Variants in RABGAP1L observed in about 807,000 individuals in gnomAD.
The protein encoded by RABGAP1L is rab GTPase-activating protein 1-like.
A neutral mutation model predicts 137.7 loss-of-function variants in RABGAP1L; 63 were observed. The ratio of observed to expected loss-of-function variants is 0.46; its 90% confidence interval spans 0.37 to 0.56. The LOEUF is 0.56. Ranked by LOEUF, RABGAP1L falls within the 20% of genes least tolerant of loss-of-function variation. The pLI, the probability that RABGAP1L is intolerant of heterozygous loss-of-function variation, is 0.00. For synonymous variants in RABGAP1L, 431 were observed against 433.7 expected (o/e 0.99, Z 0.08); for missense variants, 1,095 against 1,244.0 (o/e 0.88, Z 1.80).
intron 13 of RABGAP1L, among the ~76,000 whole-genome samples, chr1:174,472,007 G>C (rs1211558685): frequency 6.6e-6 from 1 of 152,338 alleles, no homozygotes; most frequent in Non-Finnish European, 1.5e-5. Flanking sequence ...AGTGTGTAAT[G>C]CATGCTGTGT....
At chr1:174,664,873 G>A (rs1676667584) in intron 14 of RABGAP1L, among the ~76,000 whole-genome samples, 1 of 151,654 alleles carries the variant, frequency 6.6e-6, no homozygotes, top group African/African-American at 2.4e-5. Context: ...AAGTAGCTGG[G>A]ATTACAGGCA....
chr1:174,508,962 A>G (rs12564992), intron 13 of RABGAP1L, among the ~76,000 whole-genome samples: 13,656 of 152,202 alleles, frequency 0.09, 833 homozygotes, highest in East Asian at 0.22. Flanking sequence ...ATGGTGGTGT[A>G]GTATTATACC....
chr1:174,853,402 G>A (rs979931244), intron 19 of RABGAP1L, among the ~76,000 whole-genome samples: 1 of 152,170 alleles, frequency 6.6e-6, no homozygotes, highest in African/African-American at 2.4e-5. Context: ...AGTGAGCTGT[G>A]TGAGCTGAGT....
chr1:174,777,056 T>A (rs1427784009), intron 18 of RABGAP1L, among the ~76,000 whole-genome samples: 2 of 152,222 alleles, frequency 1.3e-5, no homozygotes, highest in African/African-American at 2.4e-5. Context: ...TTTTCCAGAC[T>A]GCAATATTGG....
intron 17 of RABGAP1L, among the ~76,000 whole-genome samples, chr1:174,713,434 G>A (rs1282946063): frequency 6.6e-6 from 1 of 152,174 alleles, no homozygotes; most frequent in Non-Finnish European, 1.5e-5. Flanking sequence ...CCTTGTGGGA[G>A]GTATTGGATG....
chr1:174,604,559 A>G (rs531172414), intron 13 of RABGAP1L, among the ~76,000 whole-genome samples: 23 of 152,166 alleles, frequency 1.5e-4, no homozygotes, highest in Non-Finnish European at 2.4e-4. Context: ...TTATGTGGAT[A>G]GTTGTTCGAT....
chr1:174,670,584 A>T (rs1677101843), intron 14 of RABGAP1L, among the ~76,000 whole-genome samples: 1 of 152,014 alleles, frequency 6.6e-6, no homozygotes, highest in Non-Finnish European at 1.5e-5. Context: ...CCATCCTTCT[A>T]TTCTGTATGT....
chr1:174,740,111 C>T (rs1202721143), intron 17 of RABGAP1L, among the ~76,000 whole-genome samples: 1 of 152,078 alleles, frequency 6.6e-6, no homozygotes, highest in Non-Finnish European at 1.5e-5. Flanking sequence ...TGGAGTTGCT[C>T]CTGCTGGTGA....
At chr1:174,292,329 CTTTTTTTTTTTTTT>C (rs61636433) in intron 10 of RABGAP1L, among the ~76,000 whole-genome samples, 7 of 50,600 alleles carry the variant, frequency 1.4e-4, no homozygotes, top group South Asian at 1.0e-3. Context: ...CCTACCTAAT[CTTTTTTTTTTTTTT>C]TTTTTTTTTT....
intron 18 of RABGAP1L, among the ~76,000 whole-genome samples, chr1:174,806,624 A>G (rs1333869817): frequency 1.3e-5 from 2 of 152,220 alleles, no homozygotes; most frequent in Non-Finnish European, 2.9e-5. Context: ...AGTAACAACA[A>G]TAATAACAAT....
intron 13 of RABGAP1L, among the ~76,000 whole-genome samples, chr1:174,583,404 T>C (rs1169447366): frequency 6.6e-6 from 1 of 152,116 alleles, no homozygotes; most frequent in African/African-American, 2.4e-5. Context: ...TGTTCTAAGA[T>C]AGTGGTGATC....
At chr1:174,305,905 TCCCTCCCCCCTCCTCCCACCCTATAA>T (rs2148774212) in intron 11 of RABGAP1L, among the ~76,000 whole-genome samples, 1 of 152,252 alleles carries the variant, frequency 6.6e-6, no homozygotes, top group South Asian at 2.1e-4. Context: ...CCTAATGCTA[TCCCTCCCCCCTCCTCCCACCCTATAA>T]CAGGCCGCAG....
At chr1:174,810,156 A>G (rs1443380834) in intron 18 of RABGAP1L, among the ~76,000 whole-genome samples, 1 of 152,250 alleles carries the variant, frequency 6.6e-6, no homozygotes, top group African/African-American at 2.4e-5. Flanking sequence ...CTCTAGCAAA[A>G]GAGAGATGAA....
chr1:174,319,656 A>T (rs940217633), intron 11 of RABGAP1L, among the ~76,000 whole-genome samples: 2 of 152,182 alleles, frequency 1.3e-5, no homozygotes, highest in African/African-American at 4.8e-5. Flanking sequence ...GTTTCTTACT[A>T]TTAACATGAA....
At chr1:174,228,035 A>G (rs1670334797) in intron 3 of RABGAP1L, among the ~76,000 whole-genome samples, 1 of 152,002 alleles carries the variant, frequency 6.6e-6, no homozygotes, top group Non-Finnish European at 1.5e-5. Context: ...CACCTGGGGA[A>G]TATTTTACTG....
intron 13 of RABGAP1L, among the ~76,000 whole-genome samples, chr1:174,464,239 G>T (rs992034087): frequency 4.6e-5 from 7 of 152,154 alleles, no homozygotes; most frequent in African/African-American, 1.7e-4. Context: ...AAGGACAAAT[G>T]AATGAATGGA....
At chr1:174,182,578 T>G (rs2148297108) in intron 1 of RABGAP1L, among the ~76,000 whole-genome samples, 1 of 152,312 alleles carries the variant, frequency 6.6e-6, no homozygotes, top group Non-Finnish European at 1.5e-5. Flanking sequence ...AATCACAAAT[T>G]ATAGTTTAAG....
chr1:174,314,554 G>A (rs971759154), intron 11 of RABGAP1L, among the ~76,000 whole-genome samples: 2 of 151,878 alleles, frequency 1.3e-5, no homozygotes, highest in African/African-American at 4.8e-5. Context: ...GGTTTGGTTT[G>A]CTTCTGCTTT....
chr1:174,178,916 G>A (rs926018370), intron 1 of RABGAP1L, among the ~76,000 whole-genome samples: 2 of 152,128 alleles, frequency 1.3e-5, no homozygotes, highest in African/African-American at 4.8e-5. Context: ...GGGTTGATAG[G>A]TGCAGCAAAC....
Sources: allele counts gnomAD v4.1 joint callset (sites outside exome capture counted in the v4.1 genomes callset), GRCh38; gene constraint gnomAD v4.1.1; transcripts MANE v1.5; gene names NCBI Gene and HGNC (gene_info 2026-07-23, HGNC 2026-07-21).